Variants in TUBA8 observed in about 807,000 individuals in gnomAD.
TUBA8 encodes tubulin alpha 8.
A neutral mutation model predicts 34.7 loss-of-function variants in TUBA8; 29 were observed. The observed-to-expected ratio is 0.84, with a 90% confidence interval of 0.62 to 1.14. TUBA8 has a LOEUF of 1.14. Ranked by LOEUF, TUBA8 falls within the 50% of genes most tolerant of loss-of-function variation. The probability of loss-of-function intolerance (pLI) is 0.00; values close to 1 mark genes in which losing one functional copy is unlikely to be tolerated. For synonymous variants in TUBA8, 226 were observed against 231.2 expected (o/e 0.98, Z 0.21); for missense variants, 541 against 599.2 (o/e 0.90, Z 1.01).
chr22:18,110,884 G>A lies in TUBA8; in HGVS notation c.3+16G>A. ...GGCAGCGATGGTGAGGCTTCCCGGGGCCAGGCGGGCTGCGGGCGCGCGGCA... is the reference window on the plus strand; with the variant it reads ...GGCAGCGATGGTGAGGCTTCCCGGGACCAGGCGGGCTGCGGGCGCGCGGCA... On this transcript the variant is annotated intron_variant, in intron 1 of 4. Coordinates refer to ENST00000330423, the MANE Select transcript of TUBA8 (RefSeq NM_018943.3). The surrounding 1 kb of genome is among the most constrained non-coding windows in gnomAD (Gnocchi z 6.2). The A allele has an allele frequency of 5.2e-6, 8 of 1,546,832 alleles. No homozygotes were observed. The highest frequency in any genetic ancestry group is 1.4e-5 in the African/African-American group (1 of 73,962).
intron 4 of TUBA8, chr22:18,127,392 TTG>T: frequency 1.0e-5 from 2 of 195,634 alleles, no homozygotes; most frequent in Non-Finnish European, 2.0e-5. Flanking sequence ...AACGTTAGTT[TTG>T]TTTTTTTTTT....
Position 18,110,843 on chromosome 22 carries a change from C to T in TUBA8, c.-23C>T, listed in dbSNP as rs1486059939. 5 of 1,542,380 alleles carry T rather than the reference C, an allele frequency of 3.2e-6. No individual in the cohort carries two copies. On this transcript the variant is annotated 5_prime_UTR_variant, in exon 1 of 5. Transcript: ENST00000330423. The surrounding 1 kb of genome is among the most constrained non-coding windows in gnomAD (Gnocchi z 6.2). Reference sequence around the variant, plus strand: ...GGCGGGCAGGCCCAGCTGAGAGGTGCGCGGGCGAGGACAGCGGCAGCGATG... The same window carrying T: ...GGCGGGCAGGCCCAGCTGAGAGGTGTGCGGGCGAGGACAGCGGCAGCGATG...
chr22:18,124,366 C>T lies in TUBA8; in HGVS notation c.375+62C>T, dbSNP rs562026054. 1.3e-5 allele frequency: 21 copies of T among 1,565,076 alleles called. No homozygotes were observed. In the South Asian group the frequency reaches 1.8e-4, roughly 13 times the overall value. On this transcript the variant is annotated intron_variant, in intron 3 of 4. Coordinates refer to ENST00000330423, the MANE Select transcript of TUBA8 (RefSeq NM_018943.3). The surrounding 1 kb of genome is among the most constrained non-coding windows in gnomAD (Gnocchi z 4.3). ...TGGAGTGGACAGGCTTGGCCCCATGCCTCTTTGATCAGGCTAGGGAGAGGC... is the reference window on the plus strand; with the variant it reads ...TGGAGTGGACAGGCTTGGCCCCATGTCTCTTTGATCAGGCTAGGGAGAGGC...
In TUBA8 at chr22:18,121,683, C is replaced by A. The variant is rs1263951696; in HGVS notation, c.208C>A (p.Leu70Met). 2 of 1,614,176 alleles carry A rather than the reference C, an allele frequency of 1.2e-6. No homozygotes were observed. Among genetic ancestry groups the A allele is most frequent in the East Asian group, 4.5e-5 (2 of 44,878 alleles). ...KHVPRAVMIDLEPTVVDEVRA... is the reference protein window; with the variant it reads ...KHVPRAVMIDMEPTVVDEVRA... ...TGTGCCCCGGGCCGTCATGATAGAT[C>A]TGGAGCCTACTGTAGTGGGTGAGTG... The change falls in exon 2 of 5, where the codon CTG becomes ATG. Residue 70 changes from leucine to methionine, a missense_variant. Physicochemically the swap from Leu to Met is conservative, Grantham distance 15. Transcript: ENST00000330423. This position sits in a 1 kb window ranked among gnomAD's most constrained non-coding sequence, Gnocchi z 4.8.
rs202053790 is a variant in TUBA8 at position 18,131,154 on chromosome 22, G to A, written c.*18G>A. ...AATTTTAAATATATACCTTCCCCTT[G>A]GCTGTGTCTCTTTATTTATGCTGTG... On this transcript the variant is annotated 3_prime_UTR_variant, in exon 5 of 5. Transcript: ENST00000330423. The surrounding 1 kb of genome is among the most constrained non-coding windows in gnomAD (Gnocchi z 5.3). 14 of 1,610,332 alleles carry A rather than the reference G, an allele frequency of 8.7e-6. No homozygotes were observed. The highest frequency in any genetic ancestry group is 5.0e-5 in the Admixed American group (3 of 60,010).
At position 18,126,652 on chromosome 22, in the gene TUBA8, C is replaced by G. The variant is rs547210739; in HGVS notation, c.674C>G (p.Thr225Ser). Residue 225 changes from threonine (T) to serine (S), a missense_variant, in exon 4 of 5, where the codon ACC becomes AGC. Transcript: ENST00000330423. The surrounding 1 kb of genome is among the most constrained non-coding windows in gnomAD (Gnocchi z 4.0). ...RNLDIERPTYTNLNRLISQIV... is the reference protein window; with the variant it reads ...RNLDIERPTYSNLNRLISQIV... ...CTTGACATTGAGCGCCCTACCTATA[C>G]CAACCTCAACCGCCTCATCAGTCAG... The G allele has an allele frequency of 1.9e-6, 3 of 1,614,166 alleles. No individual in the cohort carries two copies. The highest frequency in any genetic ancestry group is 3.3e-4 in the Middle Eastern group (2 of 6,062).
In TUBA8 at chr22:18,121,839, C is replaced by G. The variant is rs1444313539; in HGVS notation, c.226+138C>G. 6 of 764,284 alleles carry G rather than the reference C, an allele frequency of 7.9e-6. No homozygotes were observed. The East Asian group carries it at 1.6e-4, about 21-fold the overall frequency. 47.3% of individuals were successfully genotyped at this position (764,284 alleles called of 1,614,324 possible). ...CGCAGCCTCCCACCCCACGTGACAT[C>G]TGTCAGCTCCTTGGGGTCCCCACAG... is the stretch of plus-strand genomic sequence containing the variant. On this transcript the variant is annotated intron_variant, in intron 2 of 4. Coordinates refer to ENST00000330423, the MANE Select transcript of TUBA8 (RefSeq NM_018943.3). This position sits in a 1 kb window ranked among gnomAD's most constrained non-coding sequence, Gnocchi z 4.8.
At position 18,126,653 on chromosome 22, in the gene TUBA8, C is replaced by T; in HGVS notation, c.675C>T (p.Thr225=). 1 of 1,614,148 alleles carries T rather than the reference C, an allele frequency of 6.2e-7. No homozygotes were observed. Among genetic ancestry groups the T allele is most frequent in the African/African-American group, 1.3e-5 (1 of 75,024 alleles). The change falls in exon 4 of 5, where the codon ACC becomes ACT. Residue 225 remains threonine, a synonymous_variant. Transcript: ENST00000330423. This position sits in a 1 kb window ranked among gnomAD's most constrained non-coding sequence, Gnocchi z 4.0. ...TTGACATTGAGCGCCCTACCTATAC[C>T]AACCTCAACCGCCTCATCAGTCAGA... ...RNLDIERPTY[T]NLNRLISQIV...
At position 18,126,506 on chromosome 22, in the gene TUBA8, G is replaced by C. The variant is rs371072951; in HGVS notation, c.528G>C (p.Gln176His). ...AGTTTGCCATCTACCCAGCCCCCCA[G>C]GTCTCTACTGCAGTGGTGGAGCCCT... ...KLEFAIYPAP[Q>H]VSTAVVEPYN... Residue 176 changes from glutamine to histidine, a missense_variant, in exon 4 of 5, where the codon CAG becomes CAC. Transcript: ENST00000330423. This position sits in a 1 kb window ranked among gnomAD's most constrained non-coding sequence, Gnocchi z 4.0. The C allele has an allele frequency of 6.2e-7, 1 of 1,614,044 alleles. No individual in the cohort carries two copies. The highest frequency in any genetic ancestry group is 8.5e-7 in the Non-Finnish European group (1 of 1,180,014).
At position 18,126,618 on chromosome 22, in the gene TUBA8, C is replaced by T. The variant is rs567801441; in HGVS notation, c.640C>T (p.Arg214Cys). ...CAACGAAGCCATCTATGACATCTGC[C>T]GCAGGAACCTTGACATTGAGCGCCC... ...VDNEAIYDIC[R>C]RNLDIERPTY... Residue 214 changes from arginine to cysteine, a missense_variant, in exon 4 of 5, where the codon CGC becomes TGC. Coordinates refer to ENST00000330423, the MANE Select transcript of TUBA8 (RefSeq NM_018943.3). The surrounding 1 kb of genome is among the most constrained non-coding windows in gnomAD (Gnocchi z 4.0). The T allele has an allele frequency of 1.1e-4, 181 of 1,614,128 alleles. No individual in the cohort carries two copies. The East Asian group carries it at 2.0e-3, about 18-fold the overall frequency.
chr22:18,118,072 T>C lies in TUBA8; in HGVS notation c.4-3407T>C, dbSNP rs1928030394. The stretch of plus-strand genomic sequence containing the variant: ...GGCCCACAGTTAGCGATGCTGAGAT[T>C]GATCGCGGCCTTAGGCTGGCGACCC... On this transcript the variant is annotated intron_variant, in intron 1 of 4. Coordinates refer to ENST00000330423, the MANE Select transcript of TUBA8 (RefSeq NM_018943.3). The surrounding 1 kb of genome is among the most constrained non-coding windows in gnomAD (Gnocchi z 4.0). The C allele has an allele frequency of 6.6e-6, 1 of 152,186 alleles. No homozygotes were observed. Among genetic ancestry groups the C allele is most frequent in the Non-Finnish European group, 1.5e-5 (1 of 68,048 alleles). The allele number at this position is 152,186 out of a possible 1,614,324, so 9.4% of individuals were successfully genotyped here. A position where few individuals can be genotyped will look rare whatever the true frequency, so the allele number is the denominator to read the frequency against.
intron 1 of TUBA8, chr22:18,116,967 C>A (rs774727066): frequency 6.6e-6 from 1 of 152,240 alleles, no homozygotes; most frequent in Non-Finnish European, 1.5e-5. Flanking sequence ...AACTTCAAAG[C>A]CCTAGCAATG....
chr22:18,121,846 C>A lies in TUBA8; in HGVS notation c.226+145C>A. ...TCCCACCCCACGTGACATCTGTCAGCTCCTTGGGGTCCCCACAGTCTCGGG... is the reference window on the plus strand; with the variant it reads ...TCCCACCCCACGTGACATCTGTCAGATCCTTGGGGTCCCCACAGTCTCGGG... On this transcript the variant is annotated intron_variant, in intron 2 of 4. Coordinates refer to ENST00000330423, the MANE Select transcript of TUBA8 (RefSeq NM_018943.3). This position sits in a 1 kb window ranked among gnomAD's most constrained non-coding sequence, Gnocchi z 4.8. 1.4e-6 allele frequency: 1 copy of A among 724,360 alleles called. No homozygotes were observed. Among genetic ancestry groups the A allele is most frequent in the Non-Finnish European group, 2.3e-6 (1 of 430,628 alleles). The allele number at this position is 724,360 out of a possible 1,614,324, so 44.9% of individuals were successfully genotyped here. A position where few individuals can be genotyped will look rare whatever the true frequency, so the allele number is the denominator to read the frequency against.
chr22:18,130,714 A>C, intron 4 of TUBA8, 129 bp from the exon 5 acceptor site: 3 of 1,223,820 alleles, frequency 2.5e-6, no homozygotes, highest in Non-Finnish European at 3.5e-6. Flanking sequence ...GTTGCATCCC[A>C]TAGCCCCACT....
At position 18,118,635 on chromosome 22, in the gene TUBA8, C is replaced by T. The variant is rs1456096895; in HGVS notation, c.4-2844C>T. On this transcript the variant is annotated intron_variant, in intron 1 of 4. Coordinates refer to ENST00000330423, the MANE Select transcript of TUBA8 (RefSeq NM_018943.3). The surrounding 1 kb of genome is among the most constrained non-coding windows in gnomAD (Gnocchi z 4.0). ...CCTTCTCTCTTGATTGGTGTAGCTACTTTTCACTTTTGAGAGCACCTATGA... is the reference window on the plus strand; with the variant it reads ...CCTTCTCTCTTGATTGGTGTAGCTATTTTTCACTTTTGAGAGCACCTATGA... 6.6e-6 allele frequency: 1 copy of T among 152,216 alleles called. No individual in the cohort carries two copies. The highest frequency in any genetic ancestry group is 1.5e-5 in the Non-Finnish European group (1 of 68,038). 9.4% of individuals were successfully genotyped at this position (152,216 alleles called of 1,614,324 possible).
Position 18,124,368 on chromosome 22 carries a change from T to C in TUBA8, c.375+64T>C. On this transcript the variant is annotated intron_variant, in intron 3 of 4. Transcript: ENST00000330423. This position sits in a 1 kb window ranked among gnomAD's most constrained non-coding sequence, Gnocchi z 4.3. ...GAGTGGACAGGCTTGGCCCCATGCC[T>C]CTTTGATCAGGCTAGGGAGAGGCAT... The C allele has an allele frequency of 6.4e-7, 1 of 1,564,134 alleles. No homozygotes were observed. The highest frequency in any genetic ancestry group is 8.7e-7 in the Non-Finnish European group (1 of 1,151,914).
Position 18,130,879 on chromosome 22 carries a change from G to A in TUBA8, c.1093G>A (p.Gly365Arg), listed in dbSNP as rs142396178. 89 of 1,613,926 alleles carry A rather than the reference G, an allele frequency of 5.5e-5. No individual in the cohort carries two copies. Among genetic ancestry groups the A allele is most frequent in the Admixed American group, 1.5e-4 (9 of 59,996 alleles). Residue 365 changes from glycine (G) to arginine (R), a missense_variant, in exon 5 of 5, where the codon GGG (glycine) becomes AGG (arginine). Physicochemically the swap from Gly to Arg is moderately radical, Grantham distance 125. Coordinates refer to ENST00000330423, the MANE Select transcript of TUBA8 (RefSeq NM_018943.3). ...CTACCAGCCCCCGACCGTGGTCCCC[G>A]GGGGAGACCTGGCCAAGGTGCAGCG... Reference protein sequence around the residue: ...INYQPPTVVPGGDLAKVQRAV... With the variant: ...INYQPPTVVPRGDLAKVQRAV...
rs1928240685 is a variant in TUBA8 at position 18,124,046 on chromosome 22, C to G, written c.227-110C>G. ...TACGAGGTGGTCTGGCTTCAAACCT[C>G]CATGGAGTTTTATAGGTAGGGGAGA... On this transcript the variant is annotated intron_variant, in intron 2 of 4. Transcript: ENST00000330423. The surrounding 1 kb of genome is among the most constrained non-coding windows in gnomAD (Gnocchi z 4.3). The G allele has an allele frequency of 5.0e-6, 7 of 1,394,578 alleles. No homozygotes were observed. Among genetic ancestry groups the G allele is most frequent in the African/African-American group, 1.4e-5 (1 of 70,826 alleles). The allele number at this position is 1,394,578 out of a possible 1,614,324, so 86.4% of individuals were successfully genotyped here.
At chr22:18,123,110 CAAAAAAAAAAAAA>C (rs1189653081) in intron 2 of TUBA8, 44 of 21,190 alleles carry the variant, frequency 2.1e-3, no homozygotes, top group Admixed American at 0.017. Context: ...ACCCCGTCTC[CAAAAAAAAAAAAA>C]AAAAAAAAAA....
Sources: allele counts gnomAD v4.1 joint callset, GRCh38; gene constraint gnomAD v4.1.1; non-coding constraint Gnocchi (gnomAD v3.1); transcripts MANE v1.5; gene names NCBI Gene and HGNC (gene_info 2026-07-23, HGNC 2026-07-21).